The following AOPEP variants were observed in gnomAD, a reference collection of about 807,000 sequenced individuals.
AOPEP encodes aminopeptidase O (putative), also known as aminopeptidase O.
Under a neutral mutation model 98.1 loss-of-function variants are expected in AOPEP, and 77 were observed. The observed-to-expected ratio is 0.78, with a 90% CI of 0.65 to 0.95. AOPEP has a LOEUF of 0.95. Among genes scored for constraint, AOPEP ranks in the 40% least tolerant of loss-of-function variants. The pLI, the probability that AOPEP is intolerant of heterozygous loss-of-function variation, is 0.00. For missense variants in AOPEP, 1,024 were observed against 1,024.7 expected (o/e 1.00, Z 0.01); for synonymous variants, 346 against 365.3 (o/e 0.95, Z 0.60).
At chr9:95,017,507 C>G (rs934099604) in intron 13 of AOPEP, among the ~76,000 whole-genome samples, 1 of 152,210 alleles carries the variant, frequency 6.6e-6, no homozygotes, top group South Asian at 2.1e-4. Flanking sequence ...TGTGACCCAT[C>G]GTTGACTGAA....
At chr9:95,045,143 C>T (rs2065725377) in intron 13 of AOPEP, among the ~76,000 whole-genome samples, 1 of 152,226 alleles carries the variant, frequency 6.6e-6, no homozygotes, top group South Asian at 2.1e-4. Context: ...AGGATTAGAC[C>T]CTGGTCCGGG....
At chr9:94,752,323 A>G (rs766734178) in intron 1 of AOPEP, among the ~76,000 whole-genome samples, 18 of 151,732 alleles carry the variant, frequency 1.2e-4, no homozygotes, top group Non-Finnish European at 2.2e-4. Flanking sequence ...TTTAGAAACA[A>G]CAACACACAT....
At chr9:94,743,601 T>C (rs942692556) in intron 1 of AOPEP, among the ~76,000 whole-genome samples, 1 of 152,104 alleles carries the variant, frequency 6.6e-6, no homozygotes, top group Non-Finnish European at 1.5e-5. Flanking sequence ...TTTTTTCCAA[T>C]AGGAAATCAT....
chr9:94,868,751 G>A (rs1443805543), intron 5 of AOPEP, among the ~76,000 whole-genome samples: 1 of 152,126 alleles, frequency 6.6e-6, no homozygotes, highest in African/African-American at 2.4e-5. Context: ...TACCTTCCCT[G>A]ATTTCATTCC....
intron 13 of AOPEP, among the ~76,000 whole-genome samples, chr9:95,008,256 G>A (rs1256586975): frequency 6.6e-6 from 1 of 152,166 alleles, no homozygotes; most frequent in Non-Finnish European, 1.5e-5. Context: ...TCAGGATTCA[G>A]CCTAGATGAG....
intron 5 of AOPEP, among the ~76,000 whole-genome samples, chr9:94,913,352 C>T (rs2052357724): frequency 1.3e-5 from 2 of 152,160 alleles, no homozygotes; most frequent in South Asian, 4.1e-4. Context: ...TATTACCTTT[C>T]AGAGGGACAT....
chr9:95,101,590 C>A, the AOPEP span: 2 of 1,271,530 alleles, frequency 1.6e-6, no homozygotes, highest in Non-Finnish European at 2.2e-6. Flanking sequence ...ACAGCTCATT[C>A]TCACAGCCCA....
chr9:94,812,102 C>T (rs1850735373), intron 5 of AOPEP, among the ~76,000 whole-genome samples: 1 of 152,122 alleles, frequency 6.6e-6, no homozygotes, highest in Non-Finnish European at 1.5e-5. Flanking sequence ...CTTGGATTTT[C>T]CTGTACTATG....
intron 1 of AOPEP, among the ~76,000 whole-genome samples, chr9:94,737,343 C>T (rs1832015039): frequency 6.6e-6 from 1 of 152,162 alleles, no homozygotes; most frequent in Non-Finnish European, 1.5e-5. Flanking sequence ...CTCCTGGCCT[C>T]AAGCAATTCT....
At chr9:95,130,678 C>CCGTCCCA in the AOPEP span, among the ~76,000 whole-genome samples, 1 of 152,146 alleles carries the variant, frequency 6.6e-6, no homozygotes, top group Admixed American at 6.5e-5. Flanking sequence ...CCGGACAATC[C>CCGTCCCA]CGTCCCACCG....
Position 94,766,105 on chromosome 9 carries a change from AT to A in AOPEP, c.797+5526del, listed in dbSNP as rs569785035. On this transcript the variant is annotated intron_variant, in intron 2 of 16. Coordinates refer to ENST00000375315, the MANE Select transcript of AOPEP (RefSeq NM_001193329.3). ...CTTCAAGAAAGGAATGGGACTTAAT[AT>A]GTTTTTAATTCTAGATCTTTGGTAT... Among the ~76,000 whole-genome samples, 22 of 152,350 alleles carry A rather than the reference AT, an allele frequency of 1.4e-4. 1 individual carries two copies. The South Asian group carries it at 4.6e-3, about 32-fold the overall frequency.
chr9:95,086,171 C>T, intron 16 of AOPEP: 1 of 1,325,466 alleles, frequency 7.5e-7, no homozygotes, highest in Non-Finnish European at 1.0e-6. Flanking sequence ...GGCAGACAGG[C>T]CCGCGTCCAC....
the AOPEP span, chr9:95,107,090 C>T: frequency 1.0e-4 from 166 of 1,614,022 alleles, 1 homozygote; most frequent in Non-Finnish European, 8.2e-5. Flanking sequence ...CCCAGGCGAT[C>T]GTGTGGCCTC....
At chr9:95,040,671 C>T (rs961029469) in intron 13 of AOPEP, among the ~76,000 whole-genome samples, 35 of 152,338 alleles carry the variant, frequency 2.3e-4, no homozygotes, top group African/African-American at 8.4e-4. Flanking sequence ...TGCTGATGGG[C>T]ATAGGCATTC....
At chr9:94,776,182 T>C (rs561085019) in intron 3 of AOPEP, among the ~76,000 whole-genome samples, 1 of 152,264 alleles carries the variant, frequency 6.6e-6, no homozygotes, top group African/African-American at 2.4e-5. Context: ...TTTTTCTCTT[T>C]TGTTGTACAA....
chr9:94,984,467 A>G (rs959979829), intron 11 of AOPEP, among the ~76,000 whole-genome samples: 1 of 152,240 alleles, frequency 6.6e-6, no homozygotes, highest in African/African-American at 2.4e-5. Flanking sequence ...TAGAGACCAA[A>G]CATTTCTGAT....
intron 14 of AOPEP, among the ~76,000 whole-genome samples, chr9:95,078,820 G>A (rs748518141): frequency 1.5e-4 from 23 of 152,354 alleles, no homozygotes; most frequent in East Asian, 3.9e-4. Context: ...GGACGGAGGC[G>A]TCCAGCGGGC....
intron 13 of AOPEP, among the ~76,000 whole-genome samples, chr9:95,038,108 C>G (rs2064988234): frequency 6.6e-6 from 1 of 152,154 alleles, no homozygotes; most frequent in Non-Finnish European, 1.5e-5. Context: ...ATGTACTGTC[C>G]TGATGCAGGA....
chr9:95,041,848 A>C (rs577752203), intron 13 of AOPEP, among the ~76,000 whole-genome samples: 1 of 152,100 alleles, frequency 6.6e-6, no homozygotes, highest in Non-Finnish European at 1.5e-5. Flanking sequence ...TAGACCTCCT[A>C]TCTAGCCGCC....
Sources: allele counts gnomAD v4.1 joint callset (sites outside exome capture counted in the v4.1 genomes callset), GRCh38; gene constraint gnomAD v4.1.1; transcripts MANE v1.5; gene names NCBI Gene and HGNC (gene_info 2026-07-23, HGNC 2026-07-21).